MYL2: variants seen among roughly 807,000 people sequenced by gnomAD.
MYL2 encodes the protein myosin light chain 2.
A neutral mutation model predicts 23.0 loss-of-function variants in MYL2; 19 were observed. The ratio of observed to expected loss-of-function variants is 0.83; its 90% CI spans 0.58 to 1.21. The LOEUF is 1.21. MYL2 is among the 50% of genes most tolerant of loss of function. The pLI, the probability that MYL2 is intolerant of heterozygous loss-of-function variation, is 0.00. For synonymous variants in MYL2, 78 were observed against 76.2 expected (o/e 1.02, Z -0.13); for missense variants, 180 against 215.1 (o/e 0.84, Z 1.02).
rs747082468 is a variant in MYL2, at chr12:110,919,181, CTTTCT to C, written c.11_15del (p.Lys4SerfsTer25). 19 of 1,613,408 alleles carry C rather than the reference CTTTCT, an allele frequency of 1.2e-5. No individual in the cohort carries two copies. Among genetic ancestry groups the C allele is most frequent in the Non-Finnish European group, 1.4e-5 (16 of 1,180,006 alleles). ...TTGGCGCCCCCGGCTCTCTTCTTTG[CTTTCT>C]TAGGTGCCTGGGGGAAAAAAGCATC... On this transcript the variant is annotated frameshift_variant, in exon 2 of 7. Transcript: ENST00000228841. LOFTEE classifies it high-confidence loss of function.
At chr12:110,920,671 A>C, upstream of MYL2, 3 of 1,218,926 alleles carry the variant, frequency 2.5e-6, no homozygotes, top group Non-Finnish European at 3.6e-6. Flanking sequence ...TGAGGCGGGC[A>C]CCACCTAAGG....
intron 3 of MYL2, among the ~76,000 whole-genome samples, chr12:110,915,305 G>A (rs1438263341): frequency 6.6e-6 from 1 of 152,122 alleles, no homozygotes; most frequent in Non-Finnish European, 1.5e-5. Flanking sequence ...AGATAAATTC[G>A]AAAGAGAATG....
chr12:110,917,277 C>T (rs2071693169), intron 2 of MYL2, among the ~76,000 whole-genome samples: 1 of 152,050 alleles, frequency 6.6e-6, no homozygotes, highest in Non-Finnish European at 1.5e-5. Flanking sequence ...CCAGATGAGA[C>T]ACCAGTTTTT....
intron 1 of MYL2, 130 bp downstream of exon 1, chr12:110,920,397 G>C: frequency 7.3e-7 from 1 of 1,363,362 alleles, no homozygotes; most frequent in Non-Finnish European, 1.0e-6. Context: ...GCAGTCAATG[G>C]GGCTTTTTCC....
At chr12:110,914,142 A>T (rs781025269) in intron 4 of MYL2, 44 bp downstream of exon 4, 1 of 1,409,764 alleles carries the variant, frequency 7.1e-7, no homozygotes, top group Non-Finnish European at 1.0e-6. Context: ...CCGAAGAAAC[A>T]TAGACACATA....
intron 3 of MYL2, among the ~76,000 whole-genome samples, chr12:110,914,935 C>T (rs1161468943): frequency 3.9e-5 from 6 of 152,142 alleles, no homozygotes; most frequent in African/African-American, 1.2e-4. Context: ...CAGTTGGAGG[C>T]GGGAGAGACA....
At chr12:110,912,030 G>A (rs1281704359) in intron 6 of MYL2, among the ~76,000 whole-genome samples, 1 of 152,186 alleles carries the variant, frequency 6.6e-6, no homozygotes, top group African/African-American at 2.4e-5. Context: ...TGAGGTTAAG[G>A]AGCTTGTTCA....
chr12:110,915,614 G>C, intron 3 of MYL2, 101 bp downstream of exon 3: 1 of 1,238,464 alleles, frequency 8.1e-7, no homozygotes, highest in Non-Finnish European at 1.2e-6. Flanking sequence ...TGTTTCTTTG[G>C]GAAATGACAC....
rs200888544 is a variant in MYL2, at chr12:110,911,179, C to G, written c.403-4G>C. The G allele has an allele frequency of 6.3e-7, 1 of 1,575,780 alleles. No homozygotes were observed. Among genetic ancestry groups the G allele is most frequent in the Non-Finnish European group, 8.6e-7 (1 of 1,157,908 alleles). On this transcript the variant is annotated splice_polypyrimidine_tract_variant and splice_region_variant and intron_variant, in intron 6 of 6. Transcript: ENST00000228841. ...AGGCGGCGAACATCTGGTCAACCTGCAATGAGCCAGCAACACGTGCTAAGG... is the reference window on the plus strand; with the variant it reads ...AGGCGGCGAACATCTGGTCAACCTGGAATGAGCCAGCAACACGTGCTAAGG...
chr12:110,919,184 T>C lies in MYL2; in HGVS notation c.13A>G (p.Lys5Glu). MAPK[K>E]AKKRAGGANS... is the part of the protein sequence containing the mutation. ...GCGCCCCCGGCTCTCTTCTTTGCTTTCTTAGGTGCCTGGGGGAAAAAAGCA... is the reference window on the plus strand; with the variant it reads ...GCGCCCCCGGCTCTCTTCTTTGCTTCCTTAGGTGCCTGGGGGAAAAAAGCA... Residue 5 changes from lysine (K) to glutamate (E), a missense_variant, in exon 2 of 7, where the codon AAA (lysine) becomes GAA (glutamate). Lys to Glu is a moderately conservative substitution (Grantham distance 56, BLOSUM62 1). Transcript: ENST00000228841. 1 of 1,613,432 alleles carries C rather than the reference T, an allele frequency of 6.2e-7. No homozygotes were observed. The highest frequency in any genetic ancestry group is 8.5e-7 in the Non-Finnish European group (1 of 1,179,956).
chr12:110,918,784 T>G lies in MYL2; in HGVS notation c.93+320A>C. On this transcript the variant is annotated intron_variant, in intron 2 of 6. Coordinates refer to ENST00000228841, the MANE Select transcript of MYL2 (RefSeq NM_000432.4). The surrounding 1 kb of genome is among the most constrained non-coding windows in gnomAD (Gnocchi z 4.4). The stretch of plus-strand genomic sequence containing the variant: ...ATATATACATAGATAACAAAAATGG[T>G]TTGAAGGGTATATACTAAAATGTGA... 1 of 275,540 alleles carries G rather than the reference T, an allele frequency of 3.6e-6. No homozygotes were observed. The highest frequency in any genetic ancestry group is 5.5e-5 in the South Asian group (1 of 18,296). The allele number at this position is 275,540 out of a possible 1,614,324, so 17.1% of individuals were successfully genotyped here. A position where few individuals can be genotyped will look rare whatever the true frequency, so the allele number is the denominator to read the frequency against.
At position 110,915,787 on chromosome 12, in the gene MYL2, A is replaced by G. The variant is rs730880945; in HGVS notation, c.97T>C (p.Phe33Leu). Residue 33 changes from phenylalanine to leucine, a missense_variant, in exon 3 of 7, where the codon TTC becomes CTC. By Grantham distance (22) the Phe-to-Leu change is conservative. Transcript: ENST00000228841. ...TCCCTGTTCTGGTCCATGATAGTGA[A>G]GGCCTGTGGAAGGGAAGTGATTGGC... ...QTQIQEFKEAFTIMDQNRDGF... is the reference protein window; with the variant it reads ...QTQIQEFKEALTIMDQNRDGF... 6.2e-6 allele frequency: 10 copies of G among 1,614,056 alleles called. No individual in the cohort carries two copies. The highest frequency in any genetic ancestry group is 1.3e-5 in the African/African-American group (1 of 74,942).
intron 4 of MYL2, 40 bp from the exon 5 acceptor site, chr12:110,913,364 T>A (rs755347699): frequency 6.2e-7 from 1 of 1,605,554 alleles, no homozygotes; most frequent in South Asian, 1.1e-5. Flanking sequence ...TGGGGGTGGC[T>A]GGGAACCACT....
intron 2 of MYL2, 82 bp from the exon 3 acceptor site, chr12:110,915,872 G>A: frequency 8.9e-7 from 1 of 1,122,344 alleles, no homozygotes; most frequent in Non-Finnish European, 1.4e-6. Context: ...GACTTGGCAG[G>A]AGTGGATTCT....
intron 2 of MYL2, among the ~76,000 whole-genome samples, chr12:110,916,984 G>C (rs780474637): frequency 4.6e-5 from 7 of 152,002 alleles, no homozygotes; most frequent in Non-Finnish European, 7.4e-5. Context: ...GAGTAGCTGG[G>C]AGTATAGACG....
intron 3 of MYL2, among the ~76,000 whole-genome samples, chr12:110,915,292 A>C (rs917745686): frequency 4.6e-5 from 7 of 152,218 alleles, no homozygotes; most frequent in African/African-American, 1.7e-4. Flanking sequence ...GATACATTTT[A>C]GAAGATAAAT....
At chr12:110,919,418 G>A (rs1236560553) in intron 1 of MYL2, among the ~76,000 whole-genome samples, 2 of 152,326 alleles carry the variant, frequency 1.3e-5, no homozygotes, top group African/African-American at 2.4e-5. Flanking sequence ...GATCATAAGC[G>A]TTTGTGCATC....
chr12:110,914,830 T>C (rs2071678636), intron 3 of MYL2, among the ~76,000 whole-genome samples: 1 of 152,198 alleles, frequency 6.6e-6, no homozygotes, highest in African/African-American at 2.4e-5. Context: ...GTTCATTATA[T>C]TTAAAATAGT....
At chr12:110,911,355 A>G (rs148905808) in intron 6 of MYL2, among the ~76,000 whole-genome samples, 180 bp from the exon 7 acceptor site, 4 of 152,106 alleles carry the variant, frequency 2.6e-5, no homozygotes, top group Non-Finnish European at 4.4e-5. Context: ...CCCTCGCCCA[A>G]GGTCATGCCC....
Sources: allele counts gnomAD v4.1 joint callset (sites outside exome capture counted in the v4.1 genomes callset), GRCh38; gene constraint gnomAD v4.1.1; non-coding constraint Gnocchi (gnomAD v3.1); transcripts MANE v1.5; gene names NCBI Gene and HGNC (gene_info 2026-07-23, HGNC 2026-07-21).